Variants in ARVCF observed in about 807,000 individuals in gnomAD.
The protein encoded by ARVCF is splicing regulator ARVCF.
Under a neutral mutation model 90.9 loss-of-function variants are expected in ARVCF, and 66 were observed. The ratio of observed to expected loss-of-function variants is 0.73; its 90% CI spans 0.60 to 0.89. The LOEUF (loss-of-function observed/expected upper bound fraction) is 0.89. Among genes scored for constraint, ARVCF ranks in the 40% least tolerant of loss-of-function variants. The pLI is 0.00. For missense variants in ARVCF, 1,469 were observed against 1,382.3 expected, an observed-to-expected ratio of 1.06 and a Z score of -1.00; for synonymous variants, 653 against 603.4, an observed-to-expected ratio of 1.08 and a Z score of -1.21.
At chr22:19,980,962 G>A in intron 5 of ARVCF, 1 of 489,638 alleles carries the variant, frequency 2.0e-6, no homozygotes, top group South Asian at 4.0e-5. Flanking sequence ...GAGTGTGGCT[G>A]GAGCAAGGCC....
At chr22:19,985,275 C>T (rs539669198) in intron 3 of ARVCF, among the ~76,000 whole-genome samples, 3 of 152,218 alleles carry the variant, frequency 2.0e-5, no homozygotes, top group Admixed American at 6.5e-5. Flanking sequence ...TCCCAGCACT[C>T]ATCCCTCCCT....
At chr22:20,007,873 C>T (rs1317672020) in intron 2 of ARVCF, among the ~76,000 whole-genome samples, 1 of 152,144 alleles carries the variant, frequency 6.6e-6, no homozygotes, top group African/African-American at 2.4e-5. Flanking sequence ...TACAGCAGCC[C>T]AAAATGGACT....
chr22:19,988,860 T>C, intron 3 of ARVCF, among the ~76,000 whole-genome samples: 1 of 140,668 alleles, frequency 7.1e-6, no homozygotes, highest in South Asian at 2.3e-4. Flanking sequence ...GGGTAGGGGG[T>C]CGGGGGGAGA....
At chr22:19,968,159 G>GT, downstream of ARVCF, among the ~76,000 whole-genome samples, 1 of 152,316 alleles carries the variant, frequency 6.6e-6, no homozygotes, top group South Asian at 2.1e-4. Context: ...CTCTCCTTGG[G>GT]TGCCTCTCCC....
At chr22:19,975,618 T>A in intron 11 of ARVCF, 68 bp downstream of exon 11, 2 of 1,584,084 alleles carry the variant, frequency 1.3e-6, no homozygotes, top group Non-Finnish European at 1.7e-6. Flanking sequence ...GGCTCAAAGC[T>A]TCACTACCAG....
At chr22:19,975,639 A>G in intron 11 of ARVCF, 47 bp downstream of exon 11, 1 of 1,606,950 alleles carries the variant, frequency 6.2e-7, no homozygotes, top group Non-Finnish European at 8.5e-7. Flanking sequence ...GGCAATCCTG[A>G]GCCCAGACAT....
chr22:19,989,232 G>A (rs975875572), intron 3 of ARVCF, among the ~76,000 whole-genome samples: 3 of 152,070 alleles, frequency 2.0e-5, no homozygotes, highest in African/African-American at 4.8e-5. Context: ...AGACCCACCA[G>A]AGGCCTCTGA....
At position 19,972,721 on chromosome 22, in the gene ARVCF, A is replaced by G. The variant is rs764469804; in HGVS notation, c.2641+16T>C. 6.3e-6 allele frequency: 10 copies of G among 1,597,806 alleles called. No homozygotes were observed. The highest frequency in any genetic ancestry group is 8.5e-6 in the Non-Finnish European group (10 of 1,172,460). On this transcript the variant is annotated intron_variant, in intron 16 of 19. Transcript: ENST00000263207. ...GGGGTCGCCACCCTCTAGGCTCCCT[A>G]AGCTCCACCACTCACCAAGGCTCTT...
At chr22:19,966,746 T>C (rs1942419547), downstream of ARVCF, among the ~76,000 whole-genome samples, 1 of 149,458 alleles carries the variant, frequency 6.7e-6, no homozygotes, top group South Asian at 2.1e-4. Context: ...GGCTCCAACT[T>C]TTTGTTGTTG....
intron 1 of ARVCF, among the ~76,000 whole-genome samples, chr22:20,013,009 C>T (rs1406699584): frequency 6.6e-6 from 1 of 152,260 alleles, no homozygotes. Context: ...AGGCCACCCC[C>T]TCCCCAAGTC....
intron 3 of ARVCF, among the ~76,000 whole-genome samples, chr22:19,984,738 C>A (rs1001148313): frequency 6.6e-6 from 1 of 152,232 alleles, no homozygotes; most frequent in Non-Finnish European, 1.5e-5. Flanking sequence ...CACACATCCT[C>A]CCGTCCTCCA....
In ARVCF at chr22:19,978,935, C is replaced by T; in HGVS notation, c.1542G>A (p.Glu514=). The change falls in exon 7 of 20, where the codon GAG becomes GAA. Residue 514 remains glutamate, a synonymous_variant. Transcript: ENST00000263207. ...ACGTGTTCTTGAAGACAGTTGTCCA[C>T]TCGGCGTCCCGTGGCTTGGAGTCCT... The part of the protein sequence containing the change: ...PNEDSKPRDA[E]WTTVFKNTSG... The T allele has an allele frequency of 6.2e-7, 1 of 1,613,150 alleles. No homozygotes were observed. The highest frequency in any genetic ancestry group is 8.5e-7 in the Non-Finnish European group (1 of 1,179,802).
chr22:19,980,305 G>C (rs535320715), intron 5 of ARVCF, 63 bp from the exon 6 acceptor site: 381 of 1,478,110 alleles, frequency 2.6e-4, no homozygotes, highest in Non-Finnish European at 3.3e-4. Flanking sequence ...CCTCTGAGCT[G>C]CCCCATCACA....
Position 19,977,490 on chromosome 22 carries a change from G to A in ARVCF, c.1795C>T (p.Pro599Ser), listed in dbSNP as rs372024829. 19 of 1,598,590 alleles carry A rather than the reference G, an allele frequency of 1.2e-5. No individual in the cohort carries two copies. The African/African-American group carries it at 2.1e-4, about 18-fold the overall frequency. The change falls in exon 9 of 20, where the codon CCC (proline) becomes TCC (serine). Residue 599 changes from proline (P) to serine (S), a missense_variant. Pro to Ser is a moderately conservative substitution (Grantham distance 74). Transcript: ENST00000263207. ...ADRYQEAEPGPLGSAVGSQRR... is the reference protein window; with the variant it reads ...ADRYQEAEPGSLGSAVGSQRR... ...TGGGAGCCTACAGCACTGCCCAGGGGCCCGGGCTCGGCCTCCTGGTACCTG... is the reference window on the plus strand; with the variant it reads ...TGGGAGCCTACAGCACTGCCCAGGGACCCGGGCTCGGCCTCCTGGTACCTG...
At chr22:19,978,236 A>C (rs1943274357) in intron 7 of ARVCF, among the ~76,000 whole-genome samples, 161 bp from the exon 8 acceptor site, 2 of 152,062 alleles carry the variant, frequency 1.3e-5, no homozygotes, top group Admixed American at 1.3e-4. Flanking sequence ...GTGAAGGGGG[A>C]GAAGCTAACT....
At chr22:19,977,900 G>C in intron 8 of ARVCF, 58 bp downstream of exon 8, 1 of 1,524,342 alleles carries the variant, frequency 6.6e-7, no homozygotes, top group South Asian at 1.2e-5. Flanking sequence ...CAGCCTCCTG[G>C]GACCTGCATG....
Position 19,990,734 on chromosome 22 carries a change from C to T in ARVCF, c.61G>A (p.Ala21Thr). ...SILASVKEQE[A>T]RFERLTRALE... Reference sequence around the variant, plus strand: ...GCCCGTGTCAGCCTCTCGAAGCGGGCCTCCTGCTCCTTCACCGAGGCCAGG... The same window carrying T: ...GCCCGTGTCAGCCTCTCGAAGCGGGTCTCCTGCTCCTTCACCGAGGCCAGG... The change falls in exon 3 of 20, where the codon GCC becomes ACC. Residue 21 changes from alanine to threonine, a missense_variant. By Grantham distance (58) the Ala-to-Thr change is moderately conservative. Coordinates refer to ENST00000263207, the MANE Select transcript of ARVCF (RefSeq NM_001670.3). 1 of 1,592,188 alleles carries T rather than the reference C, an allele frequency of 6.3e-7. No individual in the cohort carries two copies. Among genetic ancestry groups the T allele is most frequent in the African/African-American group, 1.3e-5 (1 of 74,602 alleles).
intron 2 of ARVCF, among the ~76,000 whole-genome samples, chr22:20,009,302 G>A (rs1057242626): frequency 1.3e-5 from 2 of 152,218 alleles, no homozygotes; most frequent in African/African-American, 4.8e-5. Context: ...GCTCCCACTA[G>A]GCTGGCCCGG....
At position 19,980,111 on chromosome 22, in the gene ARVCF, G is replaced by T; in HGVS notation, c.1028C>A (p.Ser343Ter). ...CTTGCGGGCGCTATCCACTGAGGGC[G>T]AGCGCCGCACCAGCCGGTCCAGGCT... The part of the protein sequence containing the change: ...MGSLDRLVRR[S>*]PSVDSARKEP... The change falls in exon 6 of 20, where the codon TCG becomes TAG. Residue 343 changes from serine to a stop codon, truncating the protein, a stop_gained. Coordinates refer to ENST00000263207, the MANE Select transcript of ARVCF (RefSeq NM_001670.3). LOFTEE classifies it high-confidence loss of function. The T allele has an allele frequency of 6.3e-7, 1 of 1,586,818 alleles. No homozygotes were observed. The highest frequency in any genetic ancestry group is 8.5e-7 in the Non-Finnish European group (1 of 1,169,974).
Sources: gnomAD v4.1 joint callset for allele counts (sites outside exome capture counted in the v4.1 genomes callset) on GRCh38, gnomAD v4.1.1 for gene constraint, MANE v1.5 for transcripts, NCBI Gene and HGNC (gene_info 2026-07-23, HGNC 2026-07-21) for gene names.